Variants in LRPPRC observed in about 807,000 individuals in gnomAD.
LRPPRC encodes the protein leucine-rich PPR motif-containing protein, mitochondrial.
LRPPRC carries 120 observed loss-of-function variants against 180.3 expected under a neutral mutation model. The ratio of observed to expected loss-of-function variants is 0.67; its 90% CI spans 0.57 to 0.77. The LOEUF (loss-of-function observed/expected upper bound fraction) is 0.77. Among genes scored for constraint, LRPPRC ranks in the 30% least tolerant of loss-of-function variants. The pLI is 0.00. For missense variants in LRPPRC, 2,012 were observed against 1,657.2 expected (o/e 1.21, Z -3.72); for synonymous variants, 723 against 600.0 (o/e 1.21, Z -3.00).
Position 43,888,319 on chromosome 2 carries a change from G to C in LRPPRC, c.*281C>G, listed in dbSNP as rs1032558226. On this transcript the variant is annotated 3_prime_UTR_variant, in exon 38 of 38. Coordinates refer to ENST00000260665, the MANE Select transcript of LRPPRC (RefSeq NM_133259.4). Reference sequence around the variant, plus strand: ...TAATGAAATAAATGAAACAGAGCAGGGAAACCAAAGAGCCAATTAGGGGAA... The same window carrying C: ...TAATGAAATAAATGAAACAGAGCAGCGAAACCAAAGAGCCAATTAGGGGAA... 1.1e-5 allele frequency: 4 copies of C among 356,746 alleles called. No individual in the cohort carries two copies. In the Admixed American group the frequency reaches 1.3e-4, roughly 11 times the overall value. 22.1% of individuals were successfully genotyped at this position (356,746 alleles called of 1,614,324 possible).
intron 25 of LRPPRC, among the ~76,000 whole-genome samples, chr2:43,933,149 T>C (rs13401462): frequency 0.62 from 94,242 of 152,128 alleles, 31,439 homozygotes; most frequent in East Asian, 0.98. Flanking sequence ...CCCCACTGTC[T>C]GCTGACAAGT....
intron 36 of LRPPRC, chr2:43,890,082 G>C (rs1215820582): frequency 1.7e-6 from 1 of 601,950 alleles, no homozygotes; most frequent in Non-Finnish European, 3.0e-6. Flanking sequence ...CTTTGAAGGA[G>C]AAGAAAATGA....
chr2:43,905,772 G>T lies in LRPPRC; in HGVS notation c.3284C>A (p.Thr1095Asn), dbSNP rs903045453. The T allele has an allele frequency of 6.2e-7, 1 of 1,607,944 alleles. No homozygotes were observed. The highest frequency in any genetic ancestry group is 8.5e-7 in the Non-Finnish European group (1 of 1,174,246). ...GTTCAGTGTGAAGCCCTTGATGTGGGTCTCCGCGCTAAAAGAAGCAGACAT... is the reference window on the plus strand; with the variant it reads ...GTTCAGTGTGAAGCCCTTGATGTGGTTCTCCGCGCTAAAAGAAGCAGACAT... ...QAMEVKAFAE[T>N]HIKGFTLNDA... Residue 1095 changes from threonine (T) to asparagine (N), a missense_variant, in exon 31 of 38, where the codon ACC becomes AAC. Transcript: ENST00000260665.
intron 32 of LRPPRC, among the ~76,000 whole-genome samples, chr2:43,900,516 T>TA (rs1363061174): frequency 6.6e-6 from 1 of 152,196 alleles, no homozygotes; most frequent in African/African-American, 2.4e-5. Flanking sequence ...ACCCAGTTCT[T>TA]AGATGAGTAA....
intron 26 of LRPPRC, among the ~76,000 whole-genome samples, chr2:43,925,511 T>C (rs907521611): frequency 6.6e-6 from 1 of 152,136 alleles, no homozygotes; most frequent in African/African-American, 2.4e-5. Flanking sequence ...TTTACACTCT[T>C]CTTGCCCTGT....
At chr2:43,993,518 C>A (rs190134356) in intron 1 of LRPPRC, among the ~76,000 whole-genome samples, 52 of 152,194 alleles carry the variant, frequency 3.4e-4, no homozygotes, top group Non-Finnish European at 6.2e-4. Context: ...AGGGAAGAGA[C>A]TGAGAAACTT....
intron 11 of LRPPRC, among the ~76,000 whole-genome samples, chr2:43,967,868 G>A (rs1320517498): frequency 6.6e-6 from 1 of 152,070 alleles, no homozygotes; most frequent in Admixed American, 6.6e-5. Flanking sequence ...TAACAACCTT[G>A]ATAACTACCA....
At chr2:43,913,756 C>T (rs1002836245) in intron 29 of LRPPRC, among the ~76,000 whole-genome samples, 47 of 152,168 alleles carry the variant, frequency 3.1e-4, no homozygotes, top group African/African-American at 9.9e-4. Context: ...TTTCCAAGTG[C>T]TTTACACTAG....
chr2:43,947,332 A>C lies in LRPPRC; in HGVS notation c.2004T>G (p.Leu668=), dbSNP rs1672722693. The C allele has an allele frequency of 3.1e-6, 5 of 1,604,070 alleles. No individual in the cohort carries two copies. In the African/African-American group the frequency reaches 6.7e-5, roughly 21 times the overall value. ...GTTGATTTTCAGCTTTTAGTGTTTC[A>C]AGTGTGGACTCCAATTCAGATGATG... The part of the protein sequence containing the change: ...QLTSSELEST[L]ETLKAENQPI... Residue 668 remains leucine (L), a synonymous_variant, in exon 20 of 38, where the codon CTT becomes CTG. Transcript: ENST00000260665.
intron 23 of LRPPRC, among the ~76,000 whole-genome samples, chr2:43,941,230 G>T (rs1672469400): frequency 6.6e-6 from 1 of 152,130 alleles, no homozygotes; most frequent in African/African-American, 2.4e-5. Flanking sequence ...TGCTGGAAAA[G>T]TCGGTTCAGA....
intron 12 of LRPPRC, 122 bp downstream of exon 12, chr2:43,963,466 T>C (rs1422174117): frequency 2.7e-6 from 2 of 739,678 alleles, no homozygotes; most frequent in African/African-American, 1.8e-5. Flanking sequence ...AAAAAGAAAA[T>C]TGTATACAGA....
intron 31 of LRPPRC, chr2:43,904,368 A>T (rs1353909514): frequency 6.6e-6 from 1 of 152,180 alleles, no homozygotes; most frequent in Non-Finnish European, 1.5e-5. Flanking sequence ...CAATTAAACA[A>T]CAACTTCCTC....
intron 31 of LRPPRC, chr2:43,903,786 C>A (rs901876624): frequency 6.6e-6 from 1 of 152,116 alleles, no homozygotes; most frequent in Non-Finnish European, 1.5e-5. Flanking sequence ...GAAAAATGAA[C>A]CCCCTGAAAT....
intron 1 of LRPPRC, among the ~76,000 whole-genome samples, chr2:43,990,626 A>C (rs1674732469): frequency 2.0e-5 from 3 of 152,296 alleles, no homozygotes; most frequent in Middle Eastern, 6.8e-3. Flanking sequence ...CTGAATATCC[A>C]CTACCATGTG....
chr2:43,911,218 A>G (rs1433519810), intron 30 of LRPPRC, among the ~76,000 whole-genome samples: 1 of 151,622 alleles, frequency 6.6e-6, no homozygotes, highest in Non-Finnish European at 1.5e-5. Context: ...CACAGAGTAC[A>G]TTAAAAACCC....
chr2:43,974,139 G>C lies in LRPPRC; in HGVS notation c.1155+11C>G, dbSNP rs764766397. 3.7e-6 allele frequency: 6 copies of C among 1,611,386 alleles called. No homozygotes were observed. The South Asian group carries it at 5.5e-5, about 15-fold the overall frequency. ...ATTACATTGTCTACAAAGTAAAAGT[G>C]GACAGAATACCGTATTCATAGTCAC... On this transcript the variant is annotated intron_variant, in intron 9 of 37. Transcript: ENST00000260665.
At chr2:43,949,554 A>C in intron 16 of LRPPRC, 48 bp downstream of exon 16, 1 of 1,464,132 alleles carries the variant, frequency 6.8e-7, no homozygotes. Context: ...CATTACACAG[A>C]AAAATGGATT....
In LRPPRC at chr2:43,912,425, C is replaced by A; in HGVS notation, c.3275+7G>T. The A allele has an allele frequency of 6.2e-7, 1 of 1,608,624 alleles. No individual in the cohort carries two copies. On this transcript the variant is annotated splice_region_variant and intron_variant, in intron 30 of 37. Coordinates refer to ENST00000260665, the MANE Select transcript of LRPPRC (RefSeq NM_133259.4). ...ACAAGAGGTTTAATAAATGGACTAA[C>A]ACTTACAATGCTTTCACTTCCATTG...
chr2:43,980,531 C>T (rs9941657), intron 2 of LRPPRC, among the ~76,000 whole-genome samples: 1 of 122,300 alleles, frequency 8.2e-6, no homozygotes, highest in Admixed American at 9.6e-5. Flanking sequence ...CCAGCCTAGA[C>T]AACAAGATCA....
Sources: gnomAD v4.1 joint callset for allele counts (sites outside exome capture counted in the v4.1 genomes callset) on GRCh38, gnomAD v4.1.1 for gene constraint, MANE v1.5 for transcripts, NCBI Gene and HGNC (gene_info 2026-07-23, HGNC 2026-07-21) for gene names.